The following CAMTA1 variants were observed in gnomAD, a reference collection of about 807,000 sequenced individuals.
CAMTA1 encodes calmodulin-binding transcription activator 1.
A neutral mutation model predicts 170.9 loss-of-function variants in CAMTA1; 27 were observed. The ratio of observed to expected loss-of-function variants is 0.16; its 90% CI spans 0.12 to 0.22. CAMTA1 has a LOEUF of 0.22. Ranked by LOEUF, CAMTA1 falls within the 10% of genes least tolerant of loss-of-function variation. CAMTA1 has a pLI of 1.00. For missense variants in CAMTA1, 1,619 were observed against 2,217.2 expected (o/e 0.73, Z 5.42); for synonymous variants, 833 against 891.5 (o/e 0.93, Z 1.17).
intron 3 of CAMTA1, among the ~76,000 whole-genome samples, chr1:6,907,881 C>G (rs1161032837): frequency 6.6e-6 from 1 of 152,212 alleles, no homozygotes; most frequent in Non-Finnish European, 1.5e-5. Context: ...TCTCCCGCCC[C>G]ACTGTCATTC....
chr1:7,611,609 G>A (rs2095524233), intron 6 of CAMTA1, among the ~76,000 whole-genome samples: 1 of 152,220 alleles, frequency 6.6e-6, no homozygotes, highest in East Asian at 1.9e-4. Flanking sequence ...GCTGCTGGGG[G>A]GCCAAGCTTG....
intron 6 of CAMTA1, among the ~76,000 whole-genome samples, chr1:7,509,254 C>T (rs995012145): frequency 6.6e-6 from 1 of 152,206 alleles, no homozygotes; most frequent in African/African-American, 2.4e-5. Context: ...AAACCAAAGC[C>T]TGGGCGCCTT....
At chr1:7,099,425 A>C (rs903836343) in intron 4 of CAMTA1, among the ~76,000 whole-genome samples, 1 of 152,200 alleles carries the variant, frequency 6.6e-6, no homozygotes, top group Non-Finnish European at 1.5e-5. Context: ...AAAACTTGTA[A>C]GAAAAGATAG....
intron 3 of CAMTA1, among the ~76,000 whole-genome samples, chr1:6,992,723 T>G (rs570785393): frequency 1.3e-5 from 2 of 152,274 alleles, no homozygotes; most frequent in South Asian, 4.1e-4. Flanking sequence ...CACATACTTT[T>G]AAACAATCAG....
chr1:7,417,917 T>G (rs1435880079), intron 5 of CAMTA1, among the ~76,000 whole-genome samples: 3 of 152,132 alleles, frequency 2.0e-5, no homozygotes, highest in Non-Finnish European at 4.4e-5. Flanking sequence ...CCATCTTAGC[T>G]CCACCTAAAG....
intron 4 of CAMTA1, among the ~76,000 whole-genome samples, chr1:7,205,137 C>A (rs569519583): frequency 1.1e-4 from 16 of 151,608 alleles, no homozygotes; most frequent in Non-Finnish European, 1.9e-4. Context: ...CCCAGAGTTT[C>A]ACTCTTGTTG....
chr1:7,731,199 G>A (rs2096730527), intron 11 of CAMTA1, among the ~76,000 whole-genome samples: 1 of 152,030 alleles, frequency 6.6e-6, no homozygotes, highest in South Asian at 2.1e-4. Context: ...TTCAATCCTA[G>A]CTCCAACAGT....
chr1:7,020,905 G>C (rs1226719090), intron 3 of CAMTA1, among the ~76,000 whole-genome samples: 1 of 152,212 alleles, frequency 6.6e-6, no homozygotes, highest in East Asian at 1.9e-4. Context: ...TCCCCACTGG[G>C]CCACCAGGCA....
At chr1:7,184,166 G>A (rs1652787256) in intron 4 of CAMTA1, among the ~76,000 whole-genome samples, 1 of 152,088 alleles carries the variant, frequency 6.6e-6, no homozygotes, top group South Asian at 2.1e-4. Flanking sequence ...CTTATTCATG[G>A]GAACTCAAAA....
chr1:7,467,332 G>C (rs957715111), intron 5 of CAMTA1, among the ~76,000 whole-genome samples: 12 of 152,256 alleles, frequency 7.9e-5, no homozygotes, highest in African/African-American at 2.4e-4. Context: ...GGGAAGTGCC[G>C]CCCCACCCTG....
rs574292745 is a variant in CAMTA1, at chr1:7,680,539, G to A, written c.2914+2806G>A. ...TGCTGGCGGCGCCGCGCCCCGCGGG[G>A]TCTGGGGCCCCAGCAGGGACTGCGA... On this transcript the variant is annotated intron_variant, in intron 11 of 22. Transcript: ENST00000303635. This position sits in a 1 kb window ranked among gnomAD's most constrained non-coding sequence, Gnocchi z 4.4. Among the ~76,000 whole-genome samples, 66 of 151,886 alleles carry A rather than the reference G, an allele frequency of 4.3e-4. 1 individual carries two copies. The South Asian group carries it at 0.012, about 28-fold the overall frequency.
rs971336893 is a variant in CAMTA1 at position 7,017,347 on chromosome 1, C to A, written c.235-73957C>A. Among the ~76,000 whole-genome samples the A allele has an allele frequency of 3.3e-5, 5 of 152,240 alleles. 1 individual carries two copies. Among genetic ancestry groups the A allele is most frequent in the Admixed American group, 2.0e-4 (3 of 15,278 alleles). The stretch of plus-strand genomic sequence containing the variant: ...ATCTGAAAGAGATGGTTTCTGTAGT[C>A]TCTTCAAGCTCTGAAACAATATGAT... On this transcript the variant is annotated intron_variant, in intron 3 of 22. Coordinates refer to ENST00000303635, the MANE Select transcript of CAMTA1 (RefSeq NM_015215.4).
At chr1:7,419,305 G>T (rs1266193633) in intron 5 of CAMTA1, among the ~76,000 whole-genome samples, 3 of 152,160 alleles carry the variant, frequency 2.0e-5, no homozygotes, top group Non-Finnish European at 4.4e-5. Flanking sequence ...ACAGGCATCT[G>T]CCACCATTCC....
chr1:7,215,424 C>T (rs1388659619), intron 4 of CAMTA1, among the ~76,000 whole-genome samples: 1 of 152,238 alleles, frequency 6.6e-6, no homozygotes, highest in Non-Finnish European at 1.5e-5. Context: ...GATGGAGTCT[C>T]ACTCTGTCGC....
intron 3 of CAMTA1, among the ~76,000 whole-genome samples, chr1:6,955,018 G>C (rs1355680598): frequency 6.6e-6 from 1 of 151,862 alleles, no homozygotes; most frequent in South Asian, 2.1e-4. Context: ...TTTATTGATT[G>C]TTGTCTCCGG....
At position 7,455,347 on chromosome 1, in the gene CAMTA1, C is replaced by T. The variant is rs890325626; in HGVS notation, c.439-12483C>T. On this transcript the variant is annotated intron_variant, in intron 5 of 22. Transcript: ENST00000303635. This position sits in a 1 kb window ranked among gnomAD's most constrained non-coding sequence, Gnocchi z 5.0. ...ACTTGAGAAAAAATCGGGAAAAGGC[C>T]GATTCCCTCTGCCCAGCCCATTAAT... 2.0e-5 allele frequency among the ~76,000 whole-genome samples: 3 copies of T among 152,200 alleles called. No individual in the cohort carries two copies. The highest frequency in any genetic ancestry group is 4.8e-5 in the African/African-American group (2 of 41,458).
chr1:7,411,297 T>C (rs2090721672), intron 5 of CAMTA1, among the ~76,000 whole-genome samples: 1 of 152,178 alleles, frequency 6.6e-6, no homozygotes, highest in African/African-American at 2.4e-5. Context: ...ATGACAGTTC[T>C]AGTCCCCGAC....
intron 6 of CAMTA1, among the ~76,000 whole-genome samples, chr1:7,511,596 CG>C (rs1182551771): frequency 6.6e-6 from 1 of 152,080 alleles, no homozygotes; most frequent in African/African-American, 2.4e-5. Context: ...CCCCACATCC[CG>C]GGGTCCAGCA....
At chr1:7,259,416 G>C (rs1385234518) in intron 5 of CAMTA1, among the ~76,000 whole-genome samples, 2 of 152,124 alleles carry the variant, frequency 1.3e-5, no homozygotes, top group African/African-American at 2.4e-5. Flanking sequence ...CATCACCCAG[G>C]GGGTATTAGA....
Sources: allele counts gnomAD v4.1 joint callset (sites outside exome capture counted in the v4.1 genomes callset), GRCh38; gene constraint gnomAD v4.1.1; non-coding constraint Gnocchi (gnomAD v3.1); transcripts MANE v1.5; gene names NCBI Gene and HGNC (gene_info 2026-07-23, HGNC 2026-07-21).